The following GFRA1 variants were observed in gnomAD, a reference collection of about 807,000 sequenced individuals.
GFRA1 encodes GDNF family receptor alpha 1.
In GFRA1, 16 loss-of-function variants were observed where a neutral mutation model predicts 51.6. The observed-to-expected ratio is 0.31, with a 90% CI of 0.21 to 0.47. The LOEUF (loss-of-function observed/expected upper bound fraction) is 0.47. Among genes scored for constraint, GFRA1 ranks in the 20% least tolerant of loss-of-function variants. The pLI is 1.00. For missense variants in GFRA1, 530 were observed against 594.3 expected, an observed-to-expected ratio of 0.89 and a Z score of 1.13; for synonymous variants, 270 against 241.3, an observed-to-expected ratio of 1.12 and a Z score of -1.10.
chr10:116,228,976 A>C (rs1966501748), intron 4 of GFRA1, among the ~76,000 whole-genome samples: 1 of 79,528 alleles, frequency 1.3e-5, no homozygotes, highest in Non-Finnish European at 2.3e-5. Flanking sequence ...CCAATACTCC[A>C]TCTCAAAAAA....
intron 9 of GFRA1, among the ~76,000 whole-genome samples, chr10:116,078,531 A>T (rs1368696550): frequency 6.6e-6 from 1 of 152,168 alleles, no homozygotes; most frequent in Non-Finnish European, 1.5e-5. Context: ...AGAAGGATGT[A>T]GTCTAGGTGA....
At chr10:116,219,843 T>A (rs1189362515) in intron 4 of GFRA1, among the ~76,000 whole-genome samples, 1 of 152,198 alleles carries the variant, frequency 6.6e-6, no homozygotes, top group Non-Finnish European at 1.5e-5. Context: ...AGCCCCTGGA[T>A]ATCAAGCTTT....
At chr10:116,240,562 C>G (rs970513430) in intron 4 of GFRA1, among the ~76,000 whole-genome samples, 1 of 152,176 alleles carries the variant, frequency 6.6e-6, no homozygotes, top group Non-Finnish European at 1.5e-5. Context: ...GAACTTTTTA[C>G]TTGGGCGGAG....
At chr10:116,149,967 C>T (rs922298609) in intron 5 of GFRA1, among the ~76,000 whole-genome samples, 1 of 152,146 alleles carries the variant, frequency 6.6e-6, no homozygotes, top group African/African-American at 2.4e-5. Context: ...CAGTTATATC[C>T]TTCTAGAGCT....
At chr10:116,205,274 T>C (rs1007033533) in intron 5 of GFRA1, among the ~76,000 whole-genome samples, 3 of 151,976 alleles carry the variant, frequency 2.0e-5, no homozygotes, top group Non-Finnish European at 2.9e-5. Flanking sequence ...ATTATTATTA[T>C]CCCAATAAAA....
At chr10:116,076,598 G>A (rs1955628943) in intron 9 of GFRA1, among the ~76,000 whole-genome samples, 1 of 152,184 alleles carries the variant, frequency 6.6e-6, no homozygotes, top group Non-Finnish European at 1.5e-5. Context: ...GAGTGGTAAT[G>A]GGCCGTGAAC....
intron 5 of GFRA1, among the ~76,000 whole-genome samples, chr10:116,209,608 T>G (rs1472163317): frequency 1.9e-4 from 29 of 152,070 alleles, no homozygotes. Flanking sequence ...AGTCGTTTTC[T>G]GCTTGTTGAT....
intron 5 of GFRA1, among the ~76,000 whole-genome samples, chr10:116,150,471 C>T (rs1959016506): frequency 6.6e-6 from 1 of 152,120 alleles, no homozygotes; most frequent in South Asian, 2.1e-4. Context: ...ATAGGACATG[C>T]CCCTCTGGGT....
chr10:116,246,370 G>T (rs763909368), intron 4 of GFRA1, among the ~76,000 whole-genome samples: 7 of 152,156 alleles, frequency 4.6e-5, no homozygotes, highest in Non-Finnish European at 7.4e-5. Flanking sequence ...GGCAGAGGTT[G>T]CAGTGAGACG....
intron 4 of GFRA1, among the ~76,000 whole-genome samples, chr10:116,246,875 T>C (rs2134667552): frequency 6.6e-6 from 1 of 152,320 alleles, no homozygotes; most frequent in East Asian, 1.9e-4. Flanking sequence ...TATTTCTAAT[T>C]ATCAATTTCC....
intron 4 of GFRA1, among the ~76,000 whole-genome samples, chr10:116,256,531 G>A (rs935652621): frequency 3.3e-5 from 5 of 152,138 alleles, no homozygotes; most frequent in African/African-American, 1.2e-4. Context: ...CACAGAGAGG[G>A]CTCAGTAGCT....
chr10:116,212,034 A>G (rs1965230720), intron 4 of GFRA1, among the ~76,000 whole-genome samples: 1 of 152,234 alleles, frequency 6.6e-6, no homozygotes, highest in Admixed American at 6.5e-5. Context: ...TTATAAAGTA[A>G]GTTTTATTAT....
intron 5 of GFRA1, among the ~76,000 whole-genome samples, chr10:116,207,804 A>G (rs1395715890): frequency 6.6e-6 from 1 of 152,098 alleles, no homozygotes; most frequent in African/African-American, 2.4e-5. Context: ...AGGCAAAGCG[A>G]GCAGAAAGTG....
chr10:116,225,669 A>G lies in GFRA1; in HGVS notation c.419-14024T>C, dbSNP rs1046363883. Among the ~76,000 whole-genome samples, 25 of 143,670 alleles carry G rather than the reference A, an allele frequency of 1.7e-4. 1 individual carries two copies. Among genetic ancestry groups the G allele is most frequent in the Non-Finnish European group, 3.7e-4 (24 of 65,570 alleles). 94.3% of individuals were successfully genotyped at this position (143,670 alleles called of 152,430 possible). ...CAGTGGTGTGATCTCGGCTCATAGC[A>G]GCCTCTGCCTCCCAAGTTCAAGCAA... On this transcript the variant is annotated intron_variant, in intron 4 of 10. Coordinates refer to ENST00000355422, the MANE Select transcript of GFRA1 (RefSeq NM_005264.8).
intron 9 of GFRA1, among the ~76,000 whole-genome samples, chr10:116,075,406 A>G (rs919049458): frequency 1.3e-5 from 2 of 152,208 alleles, no homozygotes; most frequent in South Asian, 4.1e-4. Flanking sequence ...CCAGGAGAAT[A>G]AAATAATGGT....
At chr10:116,198,037 T>A (rs1303197705) in intron 5 of GFRA1, among the ~76,000 whole-genome samples, 4 of 152,232 alleles carry the variant, frequency 2.6e-5, no homozygotes, top group African/African-American at 9.6e-5. Flanking sequence ...TCCCAAGAAC[T>A]AGGATGCATT....
chr10:116,173,059 C>T (rs918604450), intron 5 of GFRA1, among the ~76,000 whole-genome samples: 11 of 152,212 alleles, frequency 7.2e-5, no homozygotes, highest in African/African-American at 9.7e-5. Flanking sequence ...TCATAACACA[C>T]GCATTTGTGG....
chr10:116,173,197 C>G (rs1961217856), intron 5 of GFRA1, among the ~76,000 whole-genome samples: 1 of 152,154 alleles, frequency 6.6e-6, no homozygotes, highest in African/African-American at 2.4e-5. Context: ...CCATCTCATC[C>G]TCACCTGAGC....
At chr10:116,149,614 A>C (rs535797554) in intron 5 of GFRA1, among the ~76,000 whole-genome samples, 1 of 152,324 alleles carries the variant, frequency 6.6e-6, no homozygotes, top group South Asian at 2.1e-4. Flanking sequence ...ATTTTGAATA[A>C]GTTCAGGTAG....
Sources: gnomAD v4.1 joint callset for allele counts (sites outside exome capture counted in the v4.1 genomes callset) on GRCh38, gnomAD v4.1.1 for gene constraint, MANE v1.5 for transcripts, NCBI Gene and HGNC (gene_info 2026-07-23, HGNC 2026-07-21) for gene names.